NRG1: variants seen among roughly 807,000 people sequenced by gnomAD.
NRG1 encodes the protein pro-neuregulin-1, membrane-bound isoform.
A neutral mutation model predicts 63.8 loss-of-function variants in NRG1; 18 were observed. The observed-to-expected ratio is 0.28, with a 90% CI of 0.19 to 0.42. The LOEUF (loss-of-function observed/expected upper bound fraction) is 0.42, where lower values mean the gene tolerates loss of function less well. NRG1 is among the 10% of genes least tolerant of loss of function. NRG1 has a pLI of 1.00. For synonymous variants in NRG1, 302 were observed against 301.3 expected (o/e 1.00, Z -0.02); for missense variants, 762 against 814.7 (o/e 0.94, Z 0.79).
At chr8:31,835,177 A>G (rs774022124) in intron 1 of NRG1, among the ~76,000 whole-genome samples, 16 of 152,346 alleles carry the variant, frequency 1.1e-4, no homozygotes, top group Non-Finnish European at 2.2e-4. Flanking sequence ...TCTGTGAACT[A>G]GGAATTATGA....
rs909282118 is a variant in NRG1 at position 31,922,861 on chromosome 8, G to T, written c.37+283430G>T. Among the ~76,000 whole-genome samples the T allele has an allele frequency of 1.2e-4, 18 of 152,058 alleles. 1 individual carries two copies. On this transcript the variant is annotated intron_variant, in intron 1 of 10. Transcript: ENST00000519301. Reference sequence around the variant, plus strand: ...TGATTTCACCTTAAAAGAGCTTGTAGCTTAGTGGGAAGGAGGAAAAAAAAG... The same window carrying T: ...TGATTTCACCTTAAAAGAGCTTGTATCTTAGTGGGAAGGAGGAAAAAAAAG...
At chr8:32,745,091 T>A (rs1827175443) in intron 7 of NRG1, among the ~76,000 whole-genome samples, 1 of 152,206 alleles carries the variant, frequency 6.6e-6, no homozygotes, top group African/African-American at 2.4e-5. Flanking sequence ...TCCAGTGTTG[T>A]CTTACCGAGA....
intron 5 of NRG1, among the ~76,000 whole-genome samples, chr8:32,678,368 G>A (rs949861856): frequency 1.3e-5 from 2 of 152,126 alleles, no homozygotes; most frequent in Non-Finnish European, 2.9e-5. Context: ...TAATGTAAAT[G>A]TCATCTGTGA....
intron 1 of NRG1, among the ~76,000 whole-genome samples, chr8:32,592,105 GTT>G (rs113892607): frequency 0.027 from 3,894 of 145,170 alleles, 185 homozygotes; most frequent in African/African-American, 0.092. Flanking sequence ...AAGGCTCCCG[GTT>G]TTTTTTTTTT....
chr8:31,915,976 G>A lies in NRG1; in HGVS notation c.37+276545G>A, dbSNP rs186487505. Among the ~76,000 whole-genome samples the A allele has an allele frequency of 7.8e-4, 118 of 152,176 alleles. 1 individual carries two copies. The highest frequency in any genetic ancestry group is 2.6e-3 in the African/African-American group (108 of 41,550). ...TTACTACCAAGCATATTCTGGAACT[G>A]ACACTTTAGTTTTACTTACTTCCAG... is the stretch of plus-strand genomic sequence containing the variant. On this transcript the variant is annotated intron_variant, in intron 1 of 10. Coordinates refer to the NRG1 transcript ENST00000519301.
chr8:31,951,787 A>G (rs1467325972), intron 1 of NRG1, among the ~76,000 whole-genome samples: 1 of 152,200 alleles, frequency 6.6e-6, no homozygotes, highest in Non-Finnish European at 1.5e-5. Context: ...TAGAAAGTAG[A>G]ATATACTAGA....
At chr8:32,342,363 C>A (rs1483202101) in intron 1 of NRG1, among the ~76,000 whole-genome samples, 1 of 152,170 alleles carries the variant, frequency 6.6e-6, no homozygotes, top group East Asian at 1.9e-4. Context: ...AACTAACAAT[C>A]ACAAGAGCTA....
At chr8:31,956,835 T>G (rs327395) in intron 1 of NRG1, among the ~76,000 whole-genome samples, 4,176 of 152,312 alleles carry the variant, frequency 0.027, 175 homozygotes, top group African/African-American at 0.095. Context: ...AGCAATTTCA[T>G]GGATAAAAGA....
intron 1 of NRG1, among the ~76,000 whole-genome samples, chr8:32,092,611 A>C (rs1587069487): frequency 3.3e-5 from 5 of 152,130 alleles, no homozygotes; most frequent in Admixed American, 3.3e-4. Context: ...GGTGGACTCT[A>C]TAAAGAAGCC....
chr8:32,698,668 A>T (rs1432693976), intron 5 of NRG1, among the ~76,000 whole-genome samples: 1 of 152,170 alleles, frequency 6.6e-6, no homozygotes, highest in East Asian at 1.9e-4. Flanking sequence ...TGAGTTCAGG[A>T]TGGCCTTAGC....
chr8:32,677,714 T>A (rs968401219), intron 5 of NRG1, among the ~76,000 whole-genome samples: 4 of 152,072 alleles, frequency 2.6e-5, no homozygotes, highest in African/African-American at 7.2e-5. Context: ...TTTCTAAAAT[T>A]TCTCCCAGAT....
intron 1 of NRG1, among the ~76,000 whole-genome samples, chr8:31,875,996 A>T (rs959988794): frequency 6.6e-6 from 1 of 151,954 alleles, no homozygotes; most frequent in African/African-American, 2.4e-5. Flanking sequence ...GATCTGCAGG[A>T]GGTAGAAATA....
At chr8:32,110,759 A>G (rs1039467847) in intron 1 of NRG1, among the ~76,000 whole-genome samples, 6 of 152,134 alleles carry the variant, frequency 3.9e-5, no homozygotes, top group Admixed American at 3.9e-4. Flanking sequence ...GGTACTCACA[A>G]TTACCTTTCC....
At chr8:31,689,025 AT>A (rs1809203522) in intron 1 of NRG1, among the ~76,000 whole-genome samples, 1 of 152,144 alleles carries the variant, frequency 6.6e-6, no homozygotes, top group South Asian at 2.1e-4. Context: ...TTCTTCCTCC[AT>A]CTTAAAAGCC....
chr8:32,623,411 C>A (rs571728434), intron 5 of NRG1, among the ~76,000 whole-genome samples: 34 of 152,198 alleles, frequency 2.2e-4, no homozygotes, highest in Non-Finnish European at 4.3e-4. Flanking sequence ...ACCTCTCCTG[C>A]CACTGTTGGA....
chr8:32,669,296 C>T (rs1805021068), intron 5 of NRG1, among the ~76,000 whole-genome samples: 1 of 152,184 alleles, frequency 6.6e-6, no homozygotes, highest in African/African-American at 2.4e-5. Flanking sequence ...TTTGGACTCA[C>T]TCTTGATGTA....
At chr8:32,683,491 G>A (rs779055139) in intron 5 of NRG1, among the ~76,000 whole-genome samples, 12 of 152,150 alleles carry the variant, frequency 7.9e-5, no homozygotes, top group Non-Finnish European at 1.6e-4. Context: ...TTTCGGCATA[G>A]TAGCTTTCAT....
chr8:32,599,000 T>C (rs1402642169), intron 2 of NRG1, among the ~76,000 whole-genome samples: 1 of 152,082 alleles, frequency 6.6e-6, no homozygotes, highest in Non-Finnish European at 1.5e-5. Context: ...ATAGTGGTAA[T>C]GAATTGTTAA....
intron 1 of NRG1, chr8:32,099,584 A>C (rs1162847650): frequency 1.3e-5 from 2 of 152,386 alleles, no homozygotes; most frequent in East Asian, 3.9e-4. Flanking sequence ...AATAGGAAGG[A>C]TGGCAGGAAT....
Sources: gnomAD v4.1 joint callset for allele counts (sites outside exome capture counted in the v4.1 genomes callset) on GRCh38, gnomAD v4.1.1 for gene constraint, MANE v1.5 for transcripts, NCBI Gene and HGNC (gene_info 2026-07-23, HGNC 2026-07-21) for gene names.